Variants in SLC9C1 observed in about 807,000 individuals in gnomAD.
The protein encoded by SLC9C1 is sodium/hydrogen exchanger 10.
SLC9C1 carries 97 observed loss-of-function variants against 140.9 expected under a neutral mutation model. The ratio of observed to expected loss-of-function variants is 0.69; its 90% CI spans 0.58 to 0.82. The LOEUF (loss-of-function observed/expected upper bound fraction) is 0.82. Ranked by LOEUF, SLC9C1 falls within the 40% of genes least tolerant of loss-of-function variation. The pLI, the probability that SLC9C1 is intolerant of heterozygous loss-of-function variation, is 0.00. For missense variants in SLC9C1, 1,340 were observed against 1,389.3 expected, an observed-to-expected ratio of 0.96 and a Z score of 0.56; for synonymous variants, 440 against 442.6, an observed-to-expected ratio of 0.99 and a Z score of 0.07.
intron 20 of SLC9C1, among the ~76,000 whole-genome samples, chr3:112,199,009 C>A (rs2077835293): frequency 6.6e-6 from 1 of 150,568 alleles, no homozygotes; most frequent in African/African-American, 2.4e-5. Context: ...ATTTAAGTGT[C>A]ACAGATAATT....
At chr3:112,215,605 A>G (rs1320598027) in intron 15 of SLC9C1, among the ~76,000 whole-genome samples, 1 of 152,132 alleles carries the variant, frequency 6.6e-6, no homozygotes, top group Non-Finnish European at 1.5e-5. Context: ...CCCATTCACA[A>G]TTGCTTCAAA....
chr3:112,280,890 C>T (rs1445620206), intron 2 of SLC9C1, 107 bp from the exon 3 acceptor site: 1 of 842,836 alleles, frequency 1.2e-6, no homozygotes, highest in Non-Finnish European at 1.7e-6. Context: ...AGTTTCACTA[C>T]TTTTCATGAG....
At chr3:112,195,835 C>A (rs1202610215) in intron 20 of SLC9C1, among the ~76,000 whole-genome samples, 1 of 152,028 alleles carries the variant, frequency 6.6e-6, no homozygotes, top group Non-Finnish European at 1.5e-5. Context: ...ATTTTTAATG[C>A]AATCCAAAGT....
At chr3:112,236,418 C>A (rs1453073743) in intron 12 of SLC9C1, among the ~76,000 whole-genome samples, 2 of 152,108 alleles carry the variant, frequency 1.3e-5, no homozygotes, top group African/African-American at 4.8e-5. Flanking sequence ...TTCAAAAAAC[C>A]AGCTCCTGGA....
chr3:112,271,878 T>C (rs997364788), intron 6 of SLC9C1, among the ~76,000 whole-genome samples: 4 of 152,202 alleles, frequency 2.6e-5, no homozygotes, highest in African/African-American at 9.7e-5. Context: ...TGATAAACAA[T>C]GTTGCAATGT....
intron 2 of SLC9C1, among the ~76,000 whole-genome samples, chr3:112,283,404 AC>A (rs2080412045): frequency 6.6e-6 from 1 of 150,560 alleles, no homozygotes; most frequent in Admixed American, 6.7e-5. Context: ...GATCACTTGC[AC>A]CCGAGGTTTT....
intron 26 of SLC9C1, among the ~76,000 whole-genome samples, chr3:112,162,763 T>G (rs2075346107): frequency 1.4e-5 from 2 of 144,092 alleles, no homozygotes; most frequent in Admixed American, 7.0e-5. Context: ...CCGGCTTTGG[T>G]ATCAGAATGA....
At chr3:112,156,132 T>C (rs1391539939) in intron 26 of SLC9C1, among the ~76,000 whole-genome samples, 1 of 152,114 alleles carries the variant, frequency 6.6e-6, no homozygotes, top group African/African-American at 2.4e-5. Flanking sequence ...TACCCCTTAG[T>C]CAACTATTCT....
intron 28 of SLC9C1, among the ~76,000 whole-genome samples, chr3:112,147,862 A>G (rs561803469): frequency 5.1e-4 from 78 of 152,288 alleles, no homozygotes; most frequent in African/African-American, 1.8e-3. Flanking sequence ...AATATATTCT[A>G]TAGGTTGTTT....
chr3:112,194,817 G>A (rs990688646), intron 20 of SLC9C1, among the ~76,000 whole-genome samples: 1 of 149,694 alleles, frequency 6.7e-6, no homozygotes, highest in Non-Finnish European at 1.5e-5. Context: ...TTTTTTTTTG[G>A]TGGTAGCTAT....
At chr3:112,214,967 A>G (rs2078316121) in intron 15 of SLC9C1, among the ~76,000 whole-genome samples, 1 of 152,234 alleles carries the variant, frequency 6.6e-6, no homozygotes, top group Admixed American at 6.5e-5. Flanking sequence ...TCAATAAAAT[A>G]CTGGCAAACC....
chr3:112,174,766 G>A (rs1261782151), intron 23 of SLC9C1, among the ~76,000 whole-genome samples: 1 of 152,212 alleles, frequency 6.6e-6, no homozygotes, highest in Non-Finnish European at 1.5e-5. Flanking sequence ...CAGAGGGGTT[G>A]TGAGTTGACT....
Position 112,269,990 on chromosome 3 carries a change from A to G in SLC9C1, c.701T>C (p.Met234Thr), listed in dbSNP as rs768115452. Reference sequence around the variant, plus strand: ...GACATCATCACCAAAAACAGTTGACATCCAAAATTGAATCAGTTTTGAACT... The same window carrying G: ...GACATCATCACCAAAAACAGTTGACGTCCAAAATTGAATCAGTTTTGAACT... ...ILSSKLIQFWMSTVFGDDVNH... is the reference protein window; with the variant it reads ...ILSSKLIQFWTSTVFGDDVNH... The change falls in exon 7 of 29, where the codon ATG (methionine) becomes ACG (threonine). Residue 234 changes from methionine to threonine, a missense_variant. Met to Thr is a moderately conservative substitution (Grantham distance 81). Coordinates refer to ENST00000305815, the MANE Select transcript of SLC9C1 (RefSeq NM_183061.3). 1.2e-6 allele frequency: 2 copies of G among 1,601,860 alleles called. No homozygotes were observed. The highest frequency in any genetic ancestry group is 2.3e-5 in the East Asian group (1 of 44,104).
rs371650619 is a variant in SLC9C1 at position 112,184,570 on chromosome 3, G to T, written c.2524-2312C>A. 2.6e-5 allele frequency among the ~76,000 whole-genome samples: 4 copies of T among 152,174 alleles called. No homozygotes were observed. In the East Asian group the frequency reaches 5.8e-4, roughly 22 times the overall value. ...AGATTCGCTTGAACCCGGGAGACGG[G>T]GGTTGCAGTGAGCCGAAATCTTGCT... On this transcript the variant is annotated intron_variant, in intron 20 of 28. Coordinates refer to ENST00000305815, the MANE Select transcript of SLC9C1 (RefSeq NM_183061.3).
Position 112,280,697 on chromosome 3 carries a change from A to C in SLC9C1, c.175T>G (p.Phe59Val), listed in dbSNP as rs1275475448. 3.0e-5 allele frequency: 49 copies of C among 1,608,214 alleles called. No homozygotes were observed. The highest frequency in any genetic ancestry group is 4.0e-5 in the Non-Finnish European group (47 of 1,178,268). The change falls in exon 3 of 29, where the codon TTT becomes GTT. Residue 59 changes from phenylalanine (F) to valine (V), a missense_variant. Phe to Val is a conservative substitution (Grantham distance 50, BLOSUM62 -1). Transcript: ENST00000305815. ...LLGCSFEVLS[F>V]TSSQVQRYAN... ...ACAATACACACCTGTGAAGATGTAA[A>C]GCTTAATACTTCAAAACTGCATCCA...
chr3:112,198,939 A>C (rs1289253603), intron 20 of SLC9C1, among the ~76,000 whole-genome samples: 1 of 151,868 alleles, frequency 6.6e-6, no homozygotes, highest in Admixed American at 6.6e-5. Flanking sequence ...AAGGAAATAT[A>C]GTCAACACTA....
intron 20 of SLC9C1, among the ~76,000 whole-genome samples, chr3:112,194,660 C>T (rs2108008993): frequency 6.6e-6 from 1 of 152,300 alleles, no homozygotes; most frequent in African/African-American, 2.4e-5. Context: ...AAAGGAATTA[C>T]TGGATCATAT....
intron 1 of SLC9C1, 115 bp downstream of exon 1, chr3:112,293,978 C>T (rs1470236652): frequency 6.6e-6 from 1 of 152,078 alleles, no homozygotes; most frequent in African/African-American, 2.4e-5. Flanking sequence ...GTGGCTGAAT[C>T]TCTAGCAGGA....
At position 112,248,070 on chromosome 3, in the gene SLC9C1, C is replaced by T. The variant is rs2079342736; in HGVS notation, c.1198-3994G>A. ...CGTCTTGAGGGTTTGCTCTCTCTAG[C>T]TCTCTTGCTTATTCATTCTGAGAGA... On this transcript the variant is annotated intron_variant, in intron 10 of 28. Transcript: ENST00000305815. Among the ~76,000 whole-genome samples the T allele has an allele frequency of 2.6e-5, 4 of 152,166 alleles. No homozygotes were observed. In the South Asian group the frequency reaches 6.2e-4, roughly 24 times the overall value.
Sources: allele counts gnomAD v4.1 joint callset (sites outside exome capture counted in the v4.1 genomes callset), GRCh38; gene constraint gnomAD v4.1.1; transcripts MANE v1.5; gene names NCBI Gene and HGNC (gene_info 2026-07-23, HGNC 2026-07-21).